Variants in EVC observed in about 807,000 individuals in gnomAD.
EVC encodes the protein evC complex member EVC.
EVC carries 116 observed loss-of-function variants against 118.9 expected under a neutral mutation model. The ratio of observed to expected loss-of-function variants is 0.98; its 90% confidence interval spans 0.84 to 1.14. The LOEUF (loss-of-function observed/expected upper bound fraction) is 1.14. EVC is among the 50% of genes most tolerant of loss of function. The pLI, the probability that EVC is intolerant of heterozygous loss-of-function variation, is 0.00. For missense variants in EVC, 1,401 were observed against 1,246.4 expected (o/e 1.12, Z -1.87); for synonymous variants, 619 against 534.7 (o/e 1.16, Z -2.18).
rs41269557 is a variant in EVC, at chr4:5,793,657, G to A, written c.1826G>A (p.Arg609Gln). 3.1e-3 allele frequency: 4,759 copies of A among 1,553,106 alleles called. 7 individuals are homozygous for A. Among genetic ancestry groups the A allele is most frequent in the Non-Finnish European group, 3.9e-3 (4,472 of 1,148,006 alleles). ...TCCAGCGTGCTGCAGACACACCTGC[G>A]GGAGGACCACGAGGGCACCATCCGC... ...ALSSVLQTHLREDHEGTIRGV... is the reference protein window; with the variant it reads ...ALSSVLQTHLQEDHEGTIRGV... The change falls in exon 13 of 21, where the codon CGG (arginine) becomes CAG (glutamine). Residue 609 changes from arginine to glutamine, a missense_variant. Coordinates refer to ENST00000264956, the MANE Select transcript of EVC (RefSeq NM_153717.3).
chr4:5,790,200 A>G (rs1015605482), intron 12 of EVC, among the ~76,000 whole-genome samples: 1 of 149,758 alleles, frequency 6.7e-6, no homozygotes, highest in Non-Finnish European at 1.5e-5. Flanking sequence ...AAAAAAGACA[A>G]CGATGACTGT....
At chr4:5,786,649 G>A (rs535181080) in intron 12 of EVC, among the ~76,000 whole-genome samples, 15 of 152,254 alleles carry the variant, frequency 9.9e-5, no homozygotes, top group African/African-American at 2.9e-4. Context: ...CAAGACGGGC[G>A]GATCATGAGG....
At chr4:5,767,142 C>G (rs1395901314) in intron 11 of EVC, among the ~76,000 whole-genome samples, 1 of 151,578 alleles carries the variant, frequency 6.6e-6, no homozygotes, top group Admixed American at 6.6e-5. Context: ...AGCTGCAGGT[C>G]TGTTGGAGTA....
chr4:5,773,043 T>A (rs1025363396), intron 11 of EVC, among the ~76,000 whole-genome samples: 5 of 152,146 alleles, frequency 3.3e-5, no homozygotes, highest in African/African-American at 9.7e-5. Flanking sequence ...GGCTGTGAAC[T>A]CCCTCGGGTC....
Position 5,731,970 on chromosome 4 carries a change from G to C in EVC, c.617+313G>C, listed in dbSNP as rs1726898958. On this transcript the variant is annotated intron_variant, in intron 4 of 20. Coordinates refer to ENST00000264956, the MANE Select transcript of EVC (RefSeq NM_153717.3). The surrounding 1 kb of genome is among the most constrained non-coding windows in gnomAD (Gnocchi z 5.6). ...TGGGTACTTCTGAGTACCGGGCAGAGTGCTAAGCACTTTACAGGGATTGAT... is the reference window on the plus strand; with the variant it reads ...TGGGTACTTCTGAGTACCGGGCAGACTGCTAAGCACTTTACAGGGATTGAT... Among the ~76,000 whole-genome samples the C allele has an allele frequency of 7.0e-6, 1 of 142,022 alleles. No individual in the cohort carries two copies. Among genetic ancestry groups the C allele is most frequent in the Admixed American group, 6.9e-5 (1 of 14,592 alleles). 93.2% of individuals were successfully genotyped at this position (142,022 alleles called of 152,430 possible). A position where few individuals can be genotyped will look rare whatever the true frequency, so the allele number is the denominator to read the frequency against.
intron 5 of EVC, among the ~76,000 whole-genome samples, chr4:5,735,353 A>G (rs1031990870): frequency 1.5e-4 from 23 of 152,210 alleles, no homozygotes; most frequent in Admixed American, 3.9e-4. Flanking sequence ...ATTAAGGGAC[A>G]GTCCTAGACC....
At chr4:5,745,115 A>G in intron 6 of EVC, 89 bp from the exon 7 acceptor site, 1 of 1,343,806 alleles carries the variant, frequency 7.4e-7, no homozygotes, top group South Asian at 1.3e-5. Flanking sequence ...GTGAAATTTG[A>G]AAAATAAAAG....
intron 12 of EVC, among the ~76,000 whole-genome samples, chr4:5,791,011 C>T (rs1367622368): frequency 6.6e-6 from 1 of 151,986 alleles, no homozygotes; most frequent in Non-Finnish European, 1.5e-5. Context: ...AGGAGAATCG[C>T]TTGAACCCGG....
At position 5,783,533 on chromosome 4, in the gene EVC, C is replaced by G. The variant is rs1298740915; in HGVS notation, c.1564-19C>G. The G allele has an allele frequency of 1.2e-6, 2 of 1,613,546 alleles. No individual in the cohort carries two copies. The highest frequency in any genetic ancestry group is 1.7e-5 in the Admixed American group (1 of 60,010). ...GTCCTGCCGTGACCTGTAACCCCAT[C>G]TGTGGTTCTCCGCTCCAGGAGCTGT... On this transcript the variant is annotated intron_variant, in intron 11 of 20. Transcript: ENST00000264956.
chr4:5,723,739 C>T (rs571593546), intron 2 of EVC, among the ~76,000 whole-genome samples: 10 of 152,260 alleles, frequency 6.6e-5, no homozygotes, highest in South Asian at 6.2e-4. Flanking sequence ...ACAGGGACCA[C>T]GCTCAGATAG....
chr4:5,777,938 C>G lies in EVC; in HGVS notation c.1564-5614C>G, dbSNP rs1265181319. ...GTGACATGCTGGTGCGCTGCACCCA[C>G]TAACTCGTCATCTAGCATTAGGTAT... On this transcript the variant is annotated intron_variant, in intron 11 of 20. Transcript: ENST00000264956. Among the ~76,000 whole-genome samples, 4 of 152,156 alleles carry G rather than the reference C, an allele frequency of 2.6e-5. No individual in the cohort carries two copies. The South Asian group carries it at 8.3e-4, about 32-fold the overall frequency.
At chr4:5,827,394 G>A in the EVC span, among the ~76,000 whole-genome samples, 1 of 152,174 alleles carries the variant, frequency 6.6e-6, no homozygotes, top group African/African-American at 2.4e-5. Flanking sequence ...CAAAGCATCT[G>A]TGCGACTTGG....
Position 5,780,120 on chromosome 4 carries a change from T to C in EVC, c.1564-3432T>C, listed in dbSNP as rs1186903733. ...ATAATCATGTGGTTTTTGTCTTTGG[T>C]TCTGTTTATATGCTGGATTACATTT... On this transcript the variant is annotated intron_variant, in intron 11 of 20. Coordinates refer to ENST00000264956, the MANE Select transcript of EVC (RefSeq NM_153717.3). Among the ~76,000 whole-genome samples, 11 of 152,286 alleles carry C rather than the reference T, an allele frequency of 7.2e-5. No homozygotes were observed. The South Asian group carries it at 1.7e-3, about 23-fold the overall frequency.
the EVC span, among the ~76,000 whole-genome samples, chr4:5,822,411 ATGCATGTGCATATGTGTG>A: frequency 1.6e-3 from 235 of 150,240 alleles, no homozygotes; most frequent in Non-Finnish European, 2.8e-3. Context: ...ACATTTGTAT[ATGCATGTGCATATGTGTG>A]TGCATGTGCA....
intron 11 of EVC, among the ~76,000 whole-genome samples, chr4:5,760,679 A>AG (rs1731868666): frequency 6.6e-6 from 1 of 152,062 alleles, no homozygotes; most frequent in Non-Finnish European, 1.5e-5. Flanking sequence ...CAGCCTCCCG[A>AG]GTGGCTGGAA....
chr4:5,746,326 G>T lies in EVC; in HGVS notation c.939+985G>T, dbSNP rs1298187452. 1.3e-5 allele frequency among the ~76,000 whole-genome samples: 2 copies of T among 152,250 alleles called. No homozygotes were observed. ...CAGCAGGAACTTTATTAAGGCAACT[G>T]CAGTAGGATGGAGAGGTGAGGAAAC... On this transcript the variant is annotated intron_variant, in intron 7 of 20. Transcript: ENST00000264956. This position sits in a 1 kb window ranked among gnomAD's most constrained non-coding sequence, Gnocchi z 5.8.
intron 11 of EVC, among the ~76,000 whole-genome samples, chr4:5,773,483 C>T (rs950002587): frequency 3.3e-5 from 5 of 152,122 alleles, no homozygotes; most frequent in Admixed American, 1.3e-4. Flanking sequence ...CTCATTCTGT[C>T]GCCCAAAGCA....
chr4:5,821,828 G>A, the EVC span: 1 of 1,599,886 alleles, frequency 6.3e-7, no homozygotes, highest in Non-Finnish European at 8.5e-7. The surrounding 1 kb of genome is among the most constrained non-coding windows in gnomAD (Gnocchi z 4.4). Flanking sequence ...GTGCGCCTGG[G>A]ATTGTTGTCA....
At chr4:5,774,793 AC>A (rs1480667232) in intron 11 of EVC, among the ~76,000 whole-genome samples, 1 of 151,892 alleles carries the variant, frequency 6.6e-6, no homozygotes, top group Non-Finnish European at 1.5e-5. Flanking sequence ...CTGTGTCCTG[AC>A]CCCTTTACAC....
Sources: gnomAD v4.1 joint callset for allele counts (sites outside exome capture counted in the v4.1 genomes callset) on GRCh38, gnomAD v4.1.1 for gene constraint, Gnocchi (gnomAD v3.1) non-coding constraint, MANE v1.5 for transcripts, NCBI Gene and HGNC (gene_info 2026-07-23, HGNC 2026-07-21) for gene names.